BCAT1: variants seen among roughly 807,000 people sequenced by gnomAD.
The protein encoded by BCAT1 is branched-chain-amino-acid aminotransferase, cytosolic.
Under a neutral mutation model 52.4 loss-of-function variants are expected in BCAT1, and 48 were observed. The ratio of observed to expected loss-of-function variants is 0.92; its 90% confidence interval spans 0.73 to 1.16. The LOEUF is 1.16. Ranked by LOEUF, BCAT1 falls within the 50% of genes most tolerant of loss-of-function variation. The probability of loss-of-function intolerance (pLI) is 0.00; values close to 1 mark genes in which losing one functional copy is unlikely to be tolerated. For missense variants in BCAT1, 451 were observed against 457.1 expected (o/e 0.99, Z 0.12); for synonymous variants, 167 against 161.3 (o/e 1.04, Z -0.27).
At chr12:24,897,843 C>T (rs571468016) in intron 2 of BCAT1, among the ~76,000 whole-genome samples, 10 of 152,174 alleles carry the variant, frequency 6.6e-5, no homozygotes, top group South Asian at 2.1e-4. Context: ...TGTGAGCTAC[C>T]GCGCCCGGCA....
In BCAT1 at chr12:24,817,994, C is replaced by G. The variant is rs1338861144; in HGVS notation, c.*14G>C. The G allele has an allele frequency of 6.2e-7, 1 of 1,611,986 alleles. No homozygotes were observed. The highest frequency in any genetic ancestry group is 1.7e-5 in the Admixed American group (1 of 59,874). On this transcript the variant is annotated 3_prime_UTR_variant, in exon 11 of 11. Coordinates refer to ENST00000261192, the MANE Select transcript of BCAT1 (RefSeq NM_005504.7). ...TGGTATCCTCTATTTTCCATTGTAT[C>G]CTCTATTTTCCATTCAGGATAGCAC...
intron 5 of BCAT1, among the ~76,000 whole-genome samples, chr12:24,854,258 G>A (rs1941600461): frequency 6.6e-6 from 1 of 152,196 alleles, no homozygotes; most frequent in Non-Finnish European, 1.5e-5. Flanking sequence ...CTATGTTTTG[G>A]CCTAGAAGCC....
rs552128572 is a variant in BCAT1 at position 24,922,927 on chromosome 12, G to C, written c.7-21042C>G. On this transcript the variant is annotated intron_variant, in intron 1 of 10. Transcript: ENST00000261192. ...AATCAGCAAAAGGAAAAGGCACATG[G>C]GACAAAGGAAATCAGACATGTGCTT... Among the ~76,000 whole-genome samples, 28 of 152,112 alleles carry C rather than the reference G, an allele frequency of 1.8e-4. No homozygotes were observed. The South Asian group carries it at 3.9e-3, about 21-fold the overall frequency.
chr12:24,868,744 TA>T (rs1252403499), intron 5 of BCAT1, among the ~76,000 whole-genome samples: 1 of 152,198 alleles, frequency 6.6e-6, no homozygotes, highest in Non-Finnish European at 1.5e-5. Context: ...AAAATTTCTT[TA>T]AAATGCATAA....
At chr12:24,941,863 G>T (rs1943853988) in intron 1 of BCAT1, among the ~76,000 whole-genome samples, 2 of 152,158 alleles carry the variant, frequency 1.3e-5, no homozygotes, top group South Asian at 4.1e-4. Context: ...GAGCAACATG[G>T]TGCAAATTAT....
intron 3 of BCAT1, among the ~76,000 whole-genome samples, chr12:24,891,286 T>C (rs1290906266): frequency 6.6e-6 from 1 of 152,124 alleles, no homozygotes; most frequent in Non-Finnish European, 1.5e-5. Flanking sequence ...CAGATGGCAA[T>C]GAAAGTGACC....
At chr12:24,893,401 C>A (rs1942890176) in intron 3 of BCAT1, among the ~76,000 whole-genome samples, 1 of 152,020 alleles carries the variant, frequency 6.6e-6, no homozygotes, top group South Asian at 2.1e-4. Flanking sequence ...GATTAAATTC[C>A]TCAAGTCATA....
At chr12:24,835,113 T>C (rs907905712) in intron 8 of BCAT1, among the ~76,000 whole-genome samples, 1 of 152,224 alleles carries the variant, frequency 6.6e-6, no homozygotes, top group Non-Finnish European at 1.5e-5. Flanking sequence ...TTTTCTTTAA[T>C]AAAACAAAAA....
At chr12:24,881,463 G>C in intron 3 of BCAT1, 52 bp from the exon 4 acceptor site, 2 of 1,200,966 alleles carry the variant, frequency 1.7e-6, no homozygotes, top group Non-Finnish European at 2.5e-6. Context: ...AAAACAACCC[G>C]TGTTCAAGAG....
chr12:24,894,133 A>G, intron 3 of BCAT1, 142 bp downstream of exon 3: 1 of 717,606 alleles, frequency 1.4e-6, no homozygotes, highest in Non-Finnish European at 2.2e-6. Context: ...TGTCTATAGG[A>G]AAACTTTTAA....
rs759840204 is a variant in BCAT1, at chr12:24,883,442, C to T, written c.280-2031G>A. The stretch of plus-strand genomic sequence containing the variant: ...CATTACTTTTTGAGATTCTTCCCAA[C>T]ACTAAAAATAGGGCTGAGTGAGATG... On this transcript the variant is annotated intron_variant, in intron 3 of 10. Transcript: ENST00000261192. Among the ~76,000 whole-genome samples the T allele has an allele frequency of 7.9e-5, 12 of 152,038 alleles. No individual in the cohort carries two copies. In the South Asian group the frequency reaches 1.7e-3, roughly 21 times the overall value.
rs1216548674 is a variant in BCAT1 at position 24,825,012 on chromosome 12, G to A, written c.1119+4811C>T. Among the ~76,000 whole-genome samples, 3 of 151,700 alleles carry A rather than the reference G, an allele frequency of 2.0e-5. No individual in the cohort carries two copies. In the East Asian group the frequency reaches 5.8e-4, roughly 29 times the overall value. The stretch of plus-strand genomic sequence containing the variant: ...GAGAACATGTGATGTTTGTCTTTCG[G>A]TCCCTCGCTTATTTCACTTAACAAA... On this transcript the variant is annotated intron_variant, in intron 10 of 10. Transcript: ENST00000261192.
chr12:24,881,476 T>C (rs1210878339), intron 3 of BCAT1, 65 bp from the exon 4 acceptor site: 1 of 1,063,022 alleles, frequency 9.4e-7, no homozygotes, highest in Non-Finnish European at 1.4e-6. Flanking sequence ...TTCAAGAGAC[T>C]GACTTTCCTA....
Position 24,813,856 on chromosome 12 carries a change from C to T in BCAT1, c.*4152G>A, listed in dbSNP as rs1289848212. The T allele has an allele frequency of 6.6e-6, 1 of 152,044 alleles. No homozygotes were observed. The highest frequency in any genetic ancestry group is 1.5e-5 in the Non-Finnish European group (1 of 67,956). The allele number at this position is 152,044 out of a possible 1,614,324, so 9.4% of individuals were successfully genotyped here. On this transcript the variant is annotated 3_prime_UTR_variant, in exon 11 of 11. Transcript: ENST00000261192. ...CAGCTATCTAACTATGCTTTTATAG[C>T]TACAATCAGTTCAAGTAGTAGAATA... is the stretch of plus-strand genomic sequence containing the variant.
intron 7 of BCAT1, among the ~76,000 whole-genome samples, chr12:24,839,976 T>G (rs1941127699): frequency 6.6e-6 from 1 of 152,220 alleles, no homozygotes. Context: ...TTATTTGTTC[T>G]GTTAGATGAA....
intron 1 of BCAT1, among the ~76,000 whole-genome samples, chr12:24,929,244 T>A (rs745579935): frequency 2.6e-4 from 40 of 152,198 alleles, no homozygotes; most frequent in Non-Finnish European, 5.1e-4. Context: ...TTCTTTGGGA[T>A]CCGTGTTTCC....
chr12:24,890,039 C>T (rs558241748), intron 3 of BCAT1, among the ~76,000 whole-genome samples: 1 of 152,196 alleles, frequency 6.6e-6, no homozygotes, highest in Non-Finnish European at 1.5e-5. Context: ...ATACCTCACC[C>T]TACACATCGC....
intron 10 of BCAT1, among the ~76,000 whole-genome samples, chr12:24,825,556 T>C (rs1451395008): frequency 6.6e-6 from 1 of 152,126 alleles, no homozygotes; most frequent in Admixed American, 6.6e-5. Flanking sequence ...TAATTAGTGA[T>C]GTTGCGCATT....
chr12:24,900,533 C>A (rs1430092708), intron 2 of BCAT1, among the ~76,000 whole-genome samples: 2 of 152,058 alleles, frequency 1.3e-5, no homozygotes, highest in Admixed American at 1.3e-4. Flanking sequence ...AAAGTGATAC[C>A]TAATTGATGG....
Sources: gnomAD v4.1 joint callset for allele counts (sites outside exome capture counted in the v4.1 genomes callset) on GRCh38, gnomAD v4.1.1 for gene constraint, MANE v1.5 for transcripts, NCBI Gene and HGNC (gene_info 2026-07-23, HGNC 2026-07-21) for gene names.